The following GATAD2A variants were observed in gnomAD, a reference collection of about 807,000 sequenced individuals.
The protein encoded by GATAD2A is GATA zinc finger domain containing 2A.
GATAD2A carries 12 observed loss-of-function variants against 68.5 expected under a neutral mutation model. That is an observed-to-expected ratio of 0.18 (90% CI 0.11 to 0.28). The LOEUF (loss-of-function observed/expected upper bound fraction) is 0.28, where lower values mean the gene tolerates loss of function less well. Among genes scored for constraint, GATAD2A ranks in the 10% least tolerant of loss-of-function variants. The pLI, the probability that GATAD2A is intolerant of heterozygous loss-of-function variation, is 1.00. For synonymous variants in GATAD2A, 410 were observed against 375.3 expected, an observed-to-expected ratio of 1.09 and a Z score of -1.07; for missense variants, 755 against 868.5, an observed-to-expected ratio of 0.87 and a Z score of 1.64.
At chr19:19,415,991 T>C (rs1455169635) in intron 1 of GATAD2A, among the ~76,000 whole-genome samples, 1 of 151,804 alleles carries the variant, frequency 6.6e-6, no homozygotes, top group Non-Finnish European at 1.5e-5. Flanking sequence ...ATGGTTTTGC[T>C]CTGTCACCCA....
chr19:19,484,135 T>C (rs1438257625), intron 2 of GATAD2A, among the ~76,000 whole-genome samples: 5 of 152,136 alleles, frequency 3.3e-5, no homozygotes, highest in Non-Finnish European at 1.5e-5. Flanking sequence ...ACACACAAGA[T>C]ATTGCCCGGA....
intron 1 of GATAD2A, among the ~76,000 whole-genome samples, chr19:19,458,841 C>G (rs1362593484): frequency 6.6e-6 from 1 of 152,210 alleles, no homozygotes; most frequent in African/African-American, 2.4e-5. Context: ...CTGTGTCCAT[C>G]TTGTGTCCTT....
chr19:19,430,976 G>GGGGTGTGTGTGT (rs140794575), intron 1 of GATAD2A, among the ~76,000 whole-genome samples: 14 of 136,778 alleles, frequency 1.0e-4, no homozygotes, highest in African/African-American at 3.9e-4. Context: ...GTATGGTAGG[G>GGGGTGTGTGTGT]GTGTGTGTGT....
At chr19:19,459,838 C>T (rs936399779) in intron 1 of GATAD2A, among the ~76,000 whole-genome samples, 1 of 152,228 alleles carries the variant, frequency 6.6e-6, no homozygotes, top group African/African-American at 2.4e-5. Flanking sequence ...GTTGTAGGAG[C>T]TGACTGCTTG....
intron 1 of GATAD2A, among the ~76,000 whole-genome samples, chr19:19,391,003 C>T (rs1008435390): frequency 6.6e-6 from 1 of 152,044 alleles, no homozygotes; most frequent in African/African-American, 2.4e-5. Context: ...TGTGGAGATG[C>T]TAACTCAGCT....
intron 1 of GATAD2A, among the ~76,000 whole-genome samples, chr19:19,433,693 G>A (rs1252352080): frequency 6.6e-6 from 1 of 152,172 alleles, no homozygotes; most frequent in Non-Finnish European, 1.5e-5. Flanking sequence ...TTCAGAGAGT[G>A]TATAACATAC....
chr19:19,449,698 AGGT>A (rs2056162419), intron 1 of GATAD2A, among the ~76,000 whole-genome samples: 1 of 152,148 alleles, frequency 6.6e-6, no homozygotes, highest in Non-Finnish European at 1.5e-5. Flanking sequence ...CGGGAGGCTA[AGGT>A]GGGAGGATTG....
chr19:19,455,571 T>C (rs1320753486), intron 1 of GATAD2A, among the ~76,000 whole-genome samples: 1 of 152,152 alleles, frequency 6.6e-6, no homozygotes, highest in Non-Finnish European at 1.5e-5. Context: ...AAAACTATAG[T>C]ATAACAGCTG....
intron 1 of GATAD2A, among the ~76,000 whole-genome samples, chr19:19,421,206 T>C (rs1454742504): frequency 6.6e-6 from 1 of 151,934 alleles, no homozygotes; most frequent in Admixed American, 6.6e-5. Context: ...AGGGGTTAGG[T>C]AGGGTCTGGA....
At chr19:19,406,374 C>T (rs1162698178) in intron 1 of GATAD2A, among the ~76,000 whole-genome samples, 2 of 134,460 alleles carry the variant, frequency 1.5e-5, no homozygotes, top group Non-Finnish European at 3.2e-5. Flanking sequence ...GGCGGGAAGA[C>T]GGCACGTGGG....
intron 1 of GATAD2A, among the ~76,000 whole-genome samples, chr19:19,462,337 C>T (rs1568307742): frequency 6.6e-6 from 1 of 152,238 alleles, no homozygotes; most frequent in Non-Finnish European, 1.5e-5. Context: ...GGCCCTGCGT[C>T]ATTGGTCTTG....
At chr19:19,388,245 T>G (rs923270472) in intron 1 of GATAD2A, among the ~76,000 whole-genome samples, 12 of 151,888 alleles carry the variant, frequency 7.9e-5, no homozygotes, top group Non-Finnish European at 1.3e-4. Context: ...TTAGTAGAGA[T>G]GGGGTTTCTC....
At chr19:19,436,509 C>T (rs2054367515) in intron 1 of GATAD2A, among the ~76,000 whole-genome samples, 1 of 152,272 alleles carries the variant, frequency 6.6e-6, no homozygotes, top group Admixed American at 6.5e-5. Flanking sequence ...AGAGGATAAT[C>T]CTGGCCAGTG....
At chr19:19,440,020 A>T (rs2054819072) in intron 1 of GATAD2A, 1 of 197,440 alleles carries the variant, frequency 5.1e-6, no homozygotes, top group South Asian at 7.7e-5. Context: ...AATGACTTAG[A>T]TGTGTCAGTG....
intron 1 of GATAD2A, among the ~76,000 whole-genome samples, chr19:19,442,694 G>T (rs186070984): frequency 6.6e-6 from 1 of 151,686 alleles, no homozygotes; most frequent in African/African-American, 2.4e-5. Context: ...TAGCTGTTCC[G>T]GAGGCCAAGG....
rs1397357484 is a variant in GATAD2A, at chr19:19,430,910, T to G, written c.-7+24891T>G. ...TTTCATGTAAATTGCCATAGCTACC[T>G]TCTCACCAAGGCTGATCTTCCCTCA... is the stretch of plus-strand genomic sequence containing the variant. On this transcript the variant is annotated intron_variant, in intron 1 of 11. Transcript: ENST00000683918. Among the ~76,000 whole-genome samples, 3 of 152,124 alleles carry G rather than the reference T, an allele frequency of 2.0e-5. No homozygotes were observed. The East Asian group carries it at 5.8e-4, about 29-fold the overall frequency.
At chr19:19,489,896 C>T (rs896423979) in intron 2 of GATAD2A, among the ~76,000 whole-genome samples, 1 of 152,188 alleles carries the variant, frequency 6.6e-6, no homozygotes, top group African/African-American at 2.4e-5. Flanking sequence ...GTGCTGAAGC[C>T]TTGGGACTGC....
chr19:19,433,577 T>G (rs1568280537), intron 1 of GATAD2A, among the ~76,000 whole-genome samples: 2 of 152,196 alleles, frequency 1.3e-5, no homozygotes, highest in African/African-American at 4.8e-5. Flanking sequence ...TTCATATACT[T>G]CAGTTTTCTT....
intron 1 of GATAD2A, among the ~76,000 whole-genome samples, chr19:19,451,378 A>AATT (rs1307632453): frequency 1.3e-5 from 2 of 152,086 alleles, no homozygotes; most frequent in Admixed American, 6.5e-5. Context: ...GTGGGCTGTG[A>AATT]ATTAGAAGGG....
Sources: allele counts gnomAD v4.1 joint callset (sites outside exome capture counted in the v4.1 genomes callset), GRCh38; gene constraint gnomAD v4.1.1; transcripts MANE v1.5; gene names NCBI Gene and HGNC (gene_info 2026-07-23, HGNC 2026-07-21).